The following RFT1 variants were observed in gnomAD, a reference collection of about 807,000 sequenced individuals.
RFT1 encodes the protein man(5)GlcNAc(2)-PP-dolichol translocation protein RFT1.
A neutral mutation model predicts 62.2 loss-of-function variants in RFT1; 43 were observed. The observed-to-expected ratio is 0.69, with a 90% CI of 0.54 to 0.89. RFT1 has a LOEUF of 0.89. RFT1 is among the 40% of genes least tolerant of loss of function. RFT1 has a pLI of 0.00. For missense variants in RFT1, 605 were observed against 649.9 expected (o/e 0.93, Z 0.75); for synonymous variants, 262 against 264.6 (o/e 0.99, Z 0.10).
rs1422618820 is a variant in RFT1, at chr3:53,091,818, G to T, written c.*85C>A. On this transcript the variant is annotated 3_prime_UTR_variant, in exon 13 of 13. Transcript: ENST00000296292. ...CTGTCACTCCGCTGCAGAGCCCTCA[G>T]TGGGGCTCTTACACAGAATGTGTTC... 3 of 1,437,666 alleles carry T rather than the reference G, an allele frequency of 2.1e-6. No homozygotes were observed. The highest frequency in any genetic ancestry group is 2.8e-5 in the African/African-American group (2 of 71,978). 89.1% of individuals were successfully genotyped at this position (1,437,666 alleles called of 1,614,324 possible). A position where few individuals can be genotyped will look rare whatever the true frequency, so the allele number is the denominator to read the frequency against.
intron 6 of RFT1, among the ~76,000 whole-genome samples, chr3:53,115,320 C>CT (rs1701761927): frequency 6.6e-6 from 1 of 152,112 alleles, no homozygotes; most frequent in Admixed American, 6.5e-5. Context: ...GAAGTCCTGT[C>CT]TCATGGAGCC....
chr3:53,109,715 C>T (rs1393831715), intron 7 of RFT1, among the ~76,000 whole-genome samples: 3 of 152,048 alleles, frequency 2.0e-5, no homozygotes, highest in Non-Finnish European at 4.4e-5. Context: ...ACTTGGGAGG[C>T]TGAGGTGGGA....
At chr3:53,070,075 A>C in the RFT1 span, among the ~76,000 whole-genome samples, 2 of 152,198 alleles carry the variant, frequency 1.3e-5, no homozygotes, top group East Asian at 3.9e-4. Context: ...CCCATCTCCC[A>C]CCTGCCCCCA....
chr3:53,116,425 CTGGGATCACAGGCA>C (rs1701798121), intron 6 of RFT1, among the ~76,000 whole-genome samples: 1 of 151,818 alleles, frequency 6.6e-6, no homozygotes, highest in Non-Finnish European at 1.5e-5. Context: ...TCCAGAGTAG[CTGGGATCACAGGCA>C]TGTGCCACCA....
At chr3:53,068,791 G>A in the RFT1 span, among the ~76,000 whole-genome samples, 10 of 152,074 alleles carry the variant, frequency 6.6e-5, no homozygotes, top group African/African-American at 2.4e-4. Context: ...ACTTTACAAT[G>A]GTGCAAAAGT....
chr3:53,094,753 GA>G (rs561710911), intron 11 of RFT1, among the ~76,000 whole-genome samples: 24 of 151,948 alleles, frequency 1.6e-4, no homozygotes, highest in African/African-American at 5.5e-4. Flanking sequence ...TAACAATAAT[GA>G]ATAAAGCCAA....
the RFT1 span, among the ~76,000 whole-genome samples, chr3:53,082,795 C>T: frequency 1.3e-5 from 2 of 152,120 alleles, no homozygotes; most frequent in Admixed American, 6.5e-5. Flanking sequence ...CTGAGAAGGG[C>T]AGTTGGGTGG....
the RFT1 span, among the ~76,000 whole-genome samples, chr3:53,081,967 A>G: frequency 6.6e-6 from 1 of 152,140 alleles, no homozygotes; most frequent in South Asian, 2.1e-4. Flanking sequence ...TTTTTGAAAC[A>G]GAGTCTCACT....
downstream of RFT1, among the ~76,000 whole-genome samples, chr3:53,085,459 C>G (rs755535480): frequency 6.6e-6 from 1 of 152,234 alleles, no homozygotes; most frequent in Non-Finnish European, 1.5e-5. Flanking sequence ...GAGATGAAGA[C>G]AAAATTTACT....
intron 6 of RFT1, among the ~76,000 whole-genome samples, chr3:53,115,686 C>T (rs1023233471): frequency 7.9e-5 from 12 of 152,390 alleles, no homozygotes; most frequent in Admixed American, 6.5e-4. Context: ...GAATGCCCAT[C>T]TCTACCACAC....
chr3:53,114,710 C>T (rs919512436), intron 6 of RFT1, among the ~76,000 whole-genome samples: 1 of 102,380 alleles, frequency 9.8e-6, no homozygotes, highest in Non-Finnish European at 2.0e-5. Context: ...CTGGAATACC[C>T]TGACCAACAA....
intron 11 of RFT1, among the ~76,000 whole-genome samples, chr3:53,095,188 G>A (rs1176005516): frequency 1.3e-5 from 2 of 152,098 alleles, no homozygotes; most frequent in South Asian, 2.1e-4. Flanking sequence ...GCTTGAACCC[G>A]GGATGCGGGG....
intron 10 of RFT1, 37 bp from the exon 11 acceptor site, chr3:53,099,523 A>G (rs764847832): frequency 7.2e-6 from 11 of 1,527,414 alleles, no homozygotes; most frequent in Middle Eastern, 1.7e-4. Flanking sequence ...CCAGAGCCCA[A>G]TCAGAAGGCC....
rs528939538 is a variant in RFT1 at position 53,095,854 on chromosome 3, G to A, written c.1209-3236C>T. Among the ~76,000 whole-genome samples the A allele has an allele frequency of 2.0e-5, 3 of 152,264 alleles. No homozygotes were observed. In the South Asian group the frequency reaches 6.2e-4, roughly 32 times the overall value. The stretch of plus-strand genomic sequence containing the variant: ...ATCGAGCCTTCACAGCCATGAAAAG[G>A]ATGGCACTGATATCTTATGTGCCAA... On this transcript the variant is annotated intron_variant, in intron 11 of 12. Coordinates refer to ENST00000296292, the MANE Select transcript of RFT1 (RefSeq NM_052859.4).
downstream of RFT1, among the ~76,000 whole-genome samples, chr3:53,084,659 G>A (rs555267200): frequency 3.9e-5 from 6 of 152,358 alleles, no homozygotes; most frequent in East Asian, 1.9e-4. Context: ...GTGAGAGGCC[G>A]CTGGGAAGGA....
downstream of RFT1, among the ~76,000 whole-genome samples, chr3:53,087,663 G>A (rs1374805510): frequency 6.6e-6 from 1 of 152,030 alleles, no homozygotes; most frequent in Non-Finnish European, 1.5e-5. Context: ...GGAACTACAG[G>A]TGCGTGCCAC....
At chr3:53,088,083 A>G (rs1320246707), downstream of RFT1, among the ~76,000 whole-genome samples, 1 of 152,126 alleles carries the variant, frequency 6.6e-6, no homozygotes, top group African/African-American at 2.4e-5. Flanking sequence ...GCTGTCCTAG[A>G]CCCCCTGAAA....
intron 11 of RFT1, among the ~76,000 whole-genome samples, chr3:53,097,552 A>G (rs948208730): frequency 6.6e-6 from 1 of 152,246 alleles, no homozygotes; most frequent in African/African-American, 2.4e-5. Flanking sequence ...CTTTGGTTCA[A>G]TACAATATAA....
rs1218695366 is a variant in RFT1, at chr3:53,092,549, A to G, written c.1278T>C (p.Cys426=). ...TGGCCAAGATGAAGCCCACGCTGCC[A>G]CACCAACGGGTCAAGAGATAGGATA... ...LVLSYLLTRW[C]GSVGFILANC... The change falls in exon 12 of 13, where the codon TGT becomes TGC. Residue 426 remains cysteine, a synonymous_variant. Coordinates refer to ENST00000296292, the MANE Select transcript of RFT1 (RefSeq NM_052859.4). 3.1e-6 allele frequency: 5 copies of G among 1,612,664 alleles called. No individual in the cohort carries two copies. In the African/African-American group the frequency reaches 6.7e-5, roughly 22 times the overall value.
Sources: gnomAD v4.1 joint callset for allele counts (sites outside exome capture counted in the v4.1 genomes callset) on GRCh38, gnomAD v4.1.1 for gene constraint, MANE v1.5 for transcripts, NCBI Gene and HGNC (gene_info 2026-07-23, HGNC 2026-07-21) for gene names.